The following TNNI3K variants were observed in gnomAD, a reference collection of about 807,000 sequenced individuals.
The protein encoded by TNNI3K is TNNI3 interacting kinase.
Under a neutral mutation model 114.5 loss-of-function variants are expected in TNNI3K, and 140 were observed. The observed-to-expected ratio is 1.22, with a 90% CI of 1.07 to 1.41. TNNI3K has a LOEUF of 1.41. Ranked by LOEUF, TNNI3K falls within the 40% of genes most tolerant of loss-of-function variation. The pLI, the probability that TNNI3K is intolerant of heterozygous loss-of-function variation, is 0.00. For missense variants in TNNI3K, 1,125 were observed against 1,007.6 expected (o/e 1.12, Z -1.58); for synonymous variants, 347 against 347.5 (o/e 1.00, Z 0.02).
intron 20 of TNNI3K, among the ~76,000 whole-genome samples, chr1:74,450,161 TA>T (rs1364148395): frequency 1.3e-5 from 2 of 148,216 alleles, no homozygotes; most frequent in East Asian, 3.9e-4. Context: ...GACTACTGGG[TA>T]CATAACGAAA....
At chr1:74,478,379 T>C (rs951858064) in intron 21 of TNNI3K, among the ~76,000 whole-genome samples, 2 of 152,218 alleles carry the variant, frequency 1.3e-5, no homozygotes, top group African/African-American at 4.8e-5. Flanking sequence ...ACAAAACTTT[T>C]GGAATCTTCT....
At chr1:74,496,618 T>A (rs1293504714) in intron 23 of TNNI3K, among the ~76,000 whole-genome samples, 1 of 152,188 alleles carries the variant, frequency 6.6e-6, no homozygotes, top group Non-Finnish European at 1.5e-5. Flanking sequence ...CTAATTATTA[T>A]TATTCTTTAT....
intron 6 of TNNI3K, among the ~76,000 whole-genome samples, chr1:74,334,200 A>G (rs1298482038): frequency 6.6e-6 from 1 of 152,220 alleles, no homozygotes. Context: ...TATAGCTGAT[A>G]AGTAGAAGAC....
intron 21 of TNNI3K, chr1:74,469,982 A>G (rs1374276933): frequency 7.5e-6 from 3 of 400,590 alleles, no homozygotes; most frequent in African/African-American, 6.2e-5. Context: ...CTAGGAACTA[A>G]AAACACCTCA....
intron 5 of TNNI3K, among the ~76,000 whole-genome samples, chr1:74,304,417 A>T (rs1313489501): frequency 6.6e-6 from 1 of 152,094 alleles, no homozygotes; most frequent in East Asian, 1.9e-4. Context: ...GCATTTTTAA[A>T]TTTTTTAGCA....
intron 24 of TNNI3K, among the ~76,000 whole-genome samples, chr1:74,540,592 TACA>T (rs1646714646): frequency 8.9e-6 from 1 of 111,898 alleles, no homozygotes; most frequent in Non-Finnish European, 1.8e-5. Context: ...TAGAAAAAAG[TACA>T]ACTCTTTTTT....
chr1:74,478,898 A>G (rs1668339463), intron 21 of TNNI3K, among the ~76,000 whole-genome samples: 1 of 152,214 alleles, frequency 6.6e-6, no homozygotes, highest in South Asian at 2.1e-4. Context: ...TTACTGACAT[A>G]GTTACATGGT....
chr1:74,446,555 T>A (rs1666694246), intron 20 of TNNI3K, among the ~76,000 whole-genome samples: 1 of 148,484 alleles, frequency 6.7e-6, no homozygotes, highest in South Asian at 2.1e-4. Flanking sequence ...TTAGATCCCA[T>A]TTGTCAATTT....
chr1:74,306,237 C>T (rs1423769663), intron 5 of TNNI3K, among the ~76,000 whole-genome samples: 1 of 152,128 alleles, frequency 6.6e-6, no homozygotes, highest in Non-Finnish European at 1.5e-5. Context: ...TGTAATATTC[C>T]ATGGTACATA....
intron 2 of TNNI3K, chr1:74,240,360 A>G (rs1406138393): frequency 6.5e-6 from 1 of 153,040 alleles, no homozygotes; most frequent in Non-Finnish European, 1.5e-5. Context: ...ATGTTAGTTA[A>G]CACTTAATCA....
At chr1:74,512,791 T>C (rs1301565598) in intron 23 of TNNI3K, among the ~76,000 whole-genome samples, 2 of 152,170 alleles carry the variant, frequency 1.3e-5, no homozygotes, top group East Asian at 1.9e-4. Context: ...CCATTCTGTC[T>C]TCACTGTTGG....
intron 11 of TNNI3K, among the ~76,000 whole-genome samples, chr1:74,355,932 A>G (rs1357006547): frequency 6.6e-6 from 1 of 152,180 alleles, no homozygotes; most frequent in African/African-American, 2.4e-5. Context: ...ACCTTTGCAC[A>G]TATTATAACC....
chr1:74,303,001 G>A (rs756901886), intron 5 of TNNI3K, among the ~76,000 whole-genome samples: 16 of 152,128 alleles, frequency 1.1e-4, no homozygotes, highest in Non-Finnish European at 1.9e-4. Context: ...AGCTTCAGAG[G>A]ACAGGCTGAT....
chr1:74,444,515 G>A (rs1189296739), intron 20 of TNNI3K, among the ~76,000 whole-genome samples: 1 of 152,014 alleles, frequency 6.6e-6, no homozygotes, highest in African/African-American at 2.4e-5. Flanking sequence ...ACAAACCACT[G>A]CTCAAAGAAA....
intron 23 of TNNI3K, among the ~76,000 whole-genome samples, chr1:74,504,658 G>A (rs1669799683): frequency 6.6e-6 from 1 of 152,104 alleles, no homozygotes; most frequent in African/African-American, 2.4e-5. Context: ...TTAAGTACCT[G>A]GATTTATTGT....
chr1:74,534,183 T>C (rs961759637), intron 23 of TNNI3K, among the ~76,000 whole-genome samples: 7 of 150,448 alleles, frequency 4.7e-5, no homozygotes, highest in African/African-American at 1.7e-4. Context: ...CTGGGTCTCT[T>C]TATTTAAAAC....
chr1:74,422,721 T>C (rs987646636), intron 17 of TNNI3K, among the ~76,000 whole-genome samples: 6 of 152,016 alleles, frequency 3.9e-5, no homozygotes, highest in African/African-American at 4.8e-5. Context: ...TTGTTTCCAT[T>C]ACCATGGAGT....
intron 9 of TNNI3K, among the ~76,000 whole-genome samples, chr1:74,349,318 A>T (rs1661198339): frequency 1.3e-5 from 2 of 152,202 alleles, no homozygotes; most frequent in South Asian, 4.1e-4. Flanking sequence ...CCAGGGATGA[A>T]GCCCACTTGA....
chr1:74,289,392 T>G (rs1225795666), intron 5 of TNNI3K, among the ~76,000 whole-genome samples: 1 of 152,002 alleles, frequency 6.6e-6, no homozygotes, highest in Non-Finnish European at 1.5e-5. Flanking sequence ...TTGGACTTAA[T>G]CTAATGAAGA....
Sources: allele counts gnomAD v4.1 joint callset (sites outside exome capture counted in the v4.1 genomes callset), GRCh38; gene constraint gnomAD v4.1.1; transcripts MANE v1.5; gene names NCBI Gene and HGNC (gene_info 2026-07-23, HGNC 2026-07-21).